CLSTN2: variants seen among roughly 807,000 people sequenced by gnomAD.
The protein encoded by CLSTN2 is calsyntenin-2.
CLSTN2 carries 48 observed loss-of-function variants against 101.2 expected under a neutral mutation model. The ratio of observed to expected loss-of-function variants is 0.47; its 90% CI spans 0.38 to 0.60. The LOEUF is 0.60. Ranked by LOEUF, CLSTN2 falls within the 20% of genes least tolerant of loss-of-function variation. The pLI, the probability that CLSTN2 is intolerant of heterozygous loss-of-function variation, is 0.00. For synonymous variants in CLSTN2, 481 were observed against 463.6 expected (o/e 1.04, Z -0.48); for missense variants, 1,160 against 1,238.2 (o/e 0.94, Z 0.95).
intron 2 of CLSTN2, among the ~76,000 whole-genome samples, chr3:140,211,398 T>TCTCA (rs2010852643): frequency 8.8e-6 from 1 of 113,406 alleles, no homozygotes; most frequent in Non-Finnish European, 1.8e-5. Context: ...GCTTGGTAAT[T>TCTCA]CACACACACA....
At chr3:139,943,881 C>T (rs1935176217) in intron 1 of CLSTN2, among the ~76,000 whole-genome samples, 1 of 152,282 alleles carries the variant, frequency 6.6e-6, no homozygotes, top group South Asian at 2.1e-4. Flanking sequence ...TCCTTACAAC[C>T]CAAACCTCCT....
At chr3:140,173,365 C>T (rs2010269224) in intron 1 of CLSTN2, among the ~76,000 whole-genome samples, 3 of 152,232 alleles carry the variant, frequency 2.0e-5, no homozygotes, top group Non-Finnish European at 2.9e-5. Flanking sequence ...GAAGCTCCAC[C>T]TCTGTTGCTT....
intron 4 of CLSTN2, among the ~76,000 whole-genome samples, chr3:140,410,893 T>C (rs2088356619): frequency 6.6e-6 from 1 of 152,146 alleles, no homozygotes; most frequent in African/African-American, 2.4e-5. Flanking sequence ...TGTTTTATAA[T>C]ATGTAAGCCT....
intron 2 of CLSTN2, among the ~76,000 whole-genome samples, chr3:140,194,851 G>A (rs1444188361): frequency 6.6e-6 from 1 of 152,152 alleles, no homozygotes; most frequent in Non-Finnish European, 1.5e-5. Flanking sequence ...AATGAGCAAT[G>A]GTGAAAGTCC....
intron 2 of CLSTN2, among the ~76,000 whole-genome samples, chr3:140,189,030 AC>A (rs1168939013): frequency 1.2e-4 from 19 of 152,168 alleles, no homozygotes; most frequent in Non-Finnish European, 2.6e-4. Context: ...ACAGTAAGCA[AC>A]CTTTTAGAAT....
chr3:140,474,738 C>A (rs1014479910), intron 8 of CLSTN2, among the ~76,000 whole-genome samples: 1 of 152,210 alleles, frequency 6.6e-6, no homozygotes, highest in Non-Finnish European at 1.5e-5. Flanking sequence ...GCAGTGCACA[C>A]CCTGCACTAC....
intron 2 of CLSTN2, among the ~76,000 whole-genome samples, chr3:140,236,926 G>A (rs2086423481): frequency 6.7e-6 from 1 of 149,056 alleles, no homozygotes; most frequent in Non-Finnish European, 1.5e-5. Flanking sequence ...TGGAACATAT[G>A]GAATATATTT....
At chr3:140,260,408 G>C (rs901025359) in intron 2 of CLSTN2, among the ~76,000 whole-genome samples, 2 of 151,694 alleles carry the variant, frequency 1.3e-5, no homozygotes, top group African/African-American at 4.8e-5. Flanking sequence ...AGTTTCCTAA[G>C]AGTTTTCTAA....
rs1015225367 is a variant in CLSTN2 at position 140,448,383 on chromosome 3, C to G, written c.788-136C>G. Reference sequence around the variant, plus strand: ...AAGCAAATGTAAAACTGCCATTATTCTCAAACTGTTCCCTAATATCTAATA... The same window carrying G: ...AAGCAAATGTAAAACTGCCATTATTGTCAAACTGTTCCCTAATATCTAATA... On this transcript the variant is annotated intron_variant, in intron 5 of 16. Transcript: ENST00000458420. 5 of 734,774 alleles carry G rather than the reference C, an allele frequency of 6.8e-6. No individual in the cohort carries two copies. In the African/African-American group the frequency reaches 8.8e-5, roughly 13 times the overall value. 45.5% of individuals were successfully genotyped at this position (734,774 alleles called of 1,614,324 possible).
At chr3:140,207,013 C>A (rs1394415614) in intron 2 of CLSTN2, among the ~76,000 whole-genome samples, 1 of 152,132 alleles carries the variant, frequency 6.6e-6, no homozygotes, top group African/African-American at 2.4e-5. Context: ...CTGTAGTCCT[C>A]CTTTTGACCC....
intron 1 of CLSTN2, among the ~76,000 whole-genome samples, chr3:140,168,933 T>G (rs1274513101): frequency 6.6e-6 from 1 of 152,116 alleles, no homozygotes; most frequent in Non-Finnish European, 1.5e-5. Context: ...GTATAAGTCC[T>G]TCAACTTTGT....
intron 1 of CLSTN2, among the ~76,000 whole-genome samples, chr3:140,160,812 C>G (rs754411592): frequency 6.6e-6 from 1 of 152,110 alleles, no homozygotes; most frequent in Admixed American, 6.6e-5. Context: ...CAATAGCTTT[C>G]AAAATACACC....
chr3:140,474,505 G>A (rs572418019), intron 8 of CLSTN2, among the ~76,000 whole-genome samples: 192 of 152,194 alleles, frequency 1.3e-3, no homozygotes, highest in African/African-American at 4.4e-3. Flanking sequence ...GTGCCAAATC[G>A]CCTTACCTGC....
Position 140,490,267 on chromosome 3 carries a change from T to C in CLSTN2, c.1344+23536T>C, listed in dbSNP as rs796094390. 4.0e-5 allele frequency among the ~76,000 whole-genome samples: 6 copies of C among 150,560 alleles called. No homozygotes were observed. In the South Asian group the frequency reaches 1.3e-3, roughly 32 times the overall value. On this transcript the variant is annotated intron_variant, in intron 8 of 16. Coordinates refer to ENST00000458420, the MANE Select transcript of CLSTN2 (RefSeq NM_022131.3). ...CTGTGTATTCTCTCACCTCCAAGGA[T>C]ATGGGTGGAGGGCCTTTAAATCTCC...
At chr3:140,503,409 G>C (rs563814377) in intron 8 of CLSTN2, among the ~76,000 whole-genome samples, 17 of 152,194 alleles carry the variant, frequency 1.1e-4, no homozygotes, top group Non-Finnish European at 2.5e-4. Flanking sequence ...TACAGTATTT[G>C]GTACAGTAAC....
intron 8 of CLSTN2, among the ~76,000 whole-genome samples, chr3:140,496,390 T>G (rs192799938): frequency 2.6e-4 from 40 of 152,316 alleles, no homozygotes; most frequent in Admixed American, 2.5e-3. Context: ...TTTCTAGATA[T>G]AGGATCATGT....
At chr3:140,174,393 C>A (rs1423314722) in intron 1 of CLSTN2, among the ~76,000 whole-genome samples, 3 of 152,230 alleles carry the variant, frequency 2.0e-5, no homozygotes, top group Non-Finnish European at 4.4e-5. Context: ...TAGGAAGTTT[C>A]AAACTTTCCC....
intron 2 of CLSTN2, among the ~76,000 whole-genome samples, chr3:140,262,720 A>G (rs1334303587): frequency 6.6e-6 from 1 of 152,170 alleles, no homozygotes; most frequent in Admixed American, 6.6e-5. Context: ...TGGTATGGCC[A>G]TGAGAATGAG....
At chr3:140,476,998 G>A (rs1329515609) in intron 8 of CLSTN2, among the ~76,000 whole-genome samples, 5 of 152,154 alleles carry the variant, frequency 3.3e-5, no homozygotes, top group Non-Finnish European at 7.3e-5. Flanking sequence ...CCTCGCTCCT[G>A]AGGCAAGGTA....
Sources: gnomAD v4.1 joint callset for allele counts (sites outside exome capture counted in the v4.1 genomes callset) on GRCh38, gnomAD v4.1.1 for gene constraint, MANE v1.5 for transcripts, NCBI Gene and HGNC (gene_info 2026-07-23, HGNC 2026-07-21) for gene names.